TLE4: variants seen among roughly 807,000 people sequenced by gnomAD.
The protein encoded by TLE4 is transducin-like enhancer protein 4.
A neutral mutation model predicts 92.8 loss-of-function variants in TLE4; 8 were observed. The ratio of observed to expected loss-of-function variants is 0.09; its 90% CI spans 0.05 to 0.16. The LOEUF (loss-of-function observed/expected upper bound fraction) is 0.16, where lower values mean the gene tolerates loss of function less well. TLE4 is among the 10% of genes least tolerant of loss of function. TLE4 has a pLI of 1.00. For synonymous variants in TLE4, 371 were observed against 374.1 expected (o/e 0.99, Z 0.10); for missense variants, 675 against 997.6 (o/e 0.68, Z 4.36).
intron 8 of TLE4, among the ~76,000 whole-genome samples, chr9:79,665,912 C>T (rs923495107): frequency 1.3e-5 from 2 of 152,114 alleles, no homozygotes; most frequent in African/African-American, 2.4e-5. Context: ...AAGCCAGCTT[C>T]AGAAGTAGAA....
At chr9:79,721,089 GA>G (rs1429482970) in intron 16 of TLE4, among the ~76,000 whole-genome samples, 2 of 152,186 alleles carry the variant, frequency 1.3e-5, no homozygotes, top group Non-Finnish European at 2.9e-5. Context: ...TCAAAGTACT[GA>G]AACCTATAGA....
intron 16 of TLE4, among the ~76,000 whole-genome samples, chr9:79,721,139 G>A (rs1045960824): frequency 6.6e-6 from 1 of 152,214 alleles, no homozygotes; most frequent in African/African-American, 2.4e-5. Flanking sequence ...TTATCAGGCA[G>A]CCTCTTATGA....
At chr9:79,629,658 G>C (rs558434383) in intron 6 of TLE4, among the ~76,000 whole-genome samples, 2 of 152,280 alleles carry the variant, frequency 1.3e-5, no homozygotes, top group South Asian at 4.1e-4. Flanking sequence ...TGGTATCTGA[G>C]CAGAAAATGG....
chr9:79,680,939 G>T (rs1426440578), intron 8 of TLE4, among the ~76,000 whole-genome samples: 2 of 152,066 alleles, frequency 1.3e-5, no homozygotes, highest in African/African-American at 2.4e-5. Context: ...TTATTGATTT[G>T]CGTTTGTTGA....
At chr9:79,618,088 A>G (rs1214216069) in intron 5 of TLE4, among the ~76,000 whole-genome samples, 1 of 152,182 alleles carries the variant, frequency 6.6e-6, no homozygotes, top group Non-Finnish European at 1.5e-5. Flanking sequence ...AGATAGTTGT[A>G]AGGGAGATAC....
At chr9:79,698,525 A>G (rs1326665845) in intron 8 of TLE4, among the ~76,000 whole-genome samples, 2 of 152,178 alleles carry the variant, frequency 1.3e-5, no homozygotes, top group Admixed American at 6.5e-5. Flanking sequence ...AGTCCCAGTC[A>G]TTTTTGAAGG....
At chr9:79,647,815 T>A (rs913862578) in intron 6 of TLE4, among the ~76,000 whole-genome samples, 1 of 152,054 alleles carries the variant, frequency 6.6e-6, no homozygotes, top group African/African-American at 2.4e-5. Flanking sequence ...GATTGTTAAG[T>A]ATCTTAATGG....
intron 4 of TLE4, among the ~76,000 whole-genome samples, chr9:79,609,873 G>C (rs545592724): frequency 6.6e-6 from 1 of 152,074 alleles, no homozygotes. Flanking sequence ...TACTGGCGTA[G>C]CCTGATGGAT....
At chr9:79,573,869 C>A (rs908559856) in intron 2 of TLE4, 83 bp downstream of exon 2, 5 of 1,017,754 alleles carry the variant, frequency 4.9e-6, no homozygotes, top group Non-Finnish European at 6.7e-6. Context: ...TTACCCTCCT[C>A]CTTTTTTGTG....
intron 4 of TLE4, among the ~76,000 whole-genome samples, chr9:79,584,016 CAG>C: frequency 6.6e-6 from 1 of 152,162 alleles, no homozygotes; most frequent in Non-Finnish European, 1.5e-5. Context: ...GTGTCACAGT[CAG>C]GGAGGATCAG....
intron 8 of TLE4, among the ~76,000 whole-genome samples, chr9:79,675,956 C>G (rs887768243): frequency 1.3e-5 from 2 of 152,092 alleles, no homozygotes; most frequent in African/African-American, 4.8e-5. Context: ...CCTTGAGCGT[C>G]AGGTTGGTGC....
intron 4 of TLE4, among the ~76,000 whole-genome samples, chr9:79,592,275 C>A: frequency 9.4e-6 from 1 of 106,934 alleles, no homozygotes; most frequent in Non-Finnish European, 2.0e-5. Context: ...TCTTCTTCTT[C>A]TTTTTTTTTT....
chr9:79,698,351 G>A lies in TLE4; in HGVS notation c.610-6432G>A, dbSNP rs138940167. On this transcript the variant is annotated intron_variant, in intron 8 of 19. Transcript: ENST00000376552. ...GCAAAAGAAATTTACCTTGATCCAG[G>A]TTTCTCTTACCAGTAGAGAAGCAGA... Among the ~76,000 whole-genome samples the A allele has an allele frequency of 6.7e-3, 1,027 of 152,222 alleles. 8 individuals carry two copies. Among genetic ancestry groups the A allele is most frequent in the Non-Finnish European group, 0.011 (733 of 68,012 alleles).
intron 4 of TLE4, among the ~76,000 whole-genome samples, chr9:79,596,357 A>G (rs2044016340): frequency 6.6e-6 from 1 of 152,184 alleles, no homozygotes; most frequent in Admixed American, 6.5e-5. Context: ...CCAAGAAAAG[A>G]GGAAGGGAGA....
At chr9:79,654,197 G>A in intron 8 of TLE4, 122 bp downstream of exon 8, 1 of 949,044 alleles carries the variant, frequency 1.1e-6, no homozygotes, top group Non-Finnish European at 1.6e-6. Context: ...GTGGTTAACT[G>A]CATTTTTAAA....
At chr9:79,722,785 C>A (rs1370811528) in intron 18 of TLE4, among the ~76,000 whole-genome samples, 174 bp from the exon 19 acceptor site, 1 of 152,136 alleles carries the variant, frequency 6.6e-6, no homozygotes, top group Non-Finnish European at 1.5e-5. Flanking sequence ...CCACTTTAAC[C>A]TTAAGGATTA....
intron 4 of TLE4, among the ~76,000 whole-genome samples, chr9:79,611,942 A>C (rs937171018): frequency 6.0e-5 from 9 of 151,050 alleles, no homozygotes; most frequent in Non-Finnish European, 1.3e-4. Context: ...ACAGTAAAAA[A>C]AAAAAAAAAA....
chr9:79,663,618 G>A (rs1231379238), intron 8 of TLE4: 4 of 152,146 alleles, frequency 2.6e-5, no homozygotes, highest in Non-Finnish European at 2.9e-5. Flanking sequence ...GTGTGTATTC[G>A]GGTTTGGGTG....
chr9:79,630,622 T>A lies in TLE4; in HGVS notation c.390+3174T>A, dbSNP rs544008621. On this transcript the variant is annotated intron_variant, in intron 6 of 19. Coordinates refer to ENST00000376552, the MANE Select transcript of TLE4 (RefSeq NM_007005.6). ...TAGCCACTGTGTTTTTAAATTAGAA[T>A]CTCTGCGAGATCACACTGTTGGAAC... Among the ~76,000 whole-genome samples the A allele has an allele frequency of 1.8e-4, 27 of 151,946 alleles. No individual in the cohort carries two copies. The South Asian group carries it at 4.4e-3, about 25-fold the overall frequency.
Sources: allele counts gnomAD v4.1 joint callset (sites outside exome capture counted in the v4.1 genomes callset), GRCh38; gene constraint gnomAD v4.1.1; transcripts MANE v1.5; gene names NCBI Gene and HGNC (gene_info 2026-07-23, HGNC 2026-07-21).